Variants in ADAMTS17 observed in about 807,000 individuals in gnomAD.
The protein encoded by ADAMTS17 is ADAM metallopeptidase with thrombospondin type 1 motif 17.
A neutral mutation model predicts 141.5 loss-of-function variants in ADAMTS17; 113 were observed. That is an observed-to-expected ratio of 0.80 (90% CI 0.69 to 0.93). ADAMTS17 has a LOEUF of 0.93. Ranked by LOEUF, ADAMTS17 falls within the 40% of genes least tolerant of loss-of-function variation. The pLI, the probability that ADAMTS17 is intolerant of heterozygous loss-of-function variation, is 0.00. For synonymous variants in ADAMTS17, 768 were observed against 630.6 expected (o/e 1.22, Z -3.27); for missense variants, 1,659 against 1,517.9 (o/e 1.09, Z -1.54).
At chr15:100,124,161 T>G (rs922914685) in intron 12 of ADAMTS17, among the ~76,000 whole-genome samples, 2 of 152,092 alleles carry the variant, frequency 1.3e-5, no homozygotes, top group East Asian at 3.9e-4. Context: ...AGATGGGGTC[T>G]CATCATGCTG....
chr15:100,051,650 C>T lies in ADAMTS17; in HGVS notation c.2377G>A (p.Glu793Lys), dbSNP rs139385294. The T allele has an allele frequency of 5.2e-5, 84 of 1,614,156 alleles. No homozygotes were observed. The highest frequency in any genetic ancestry group is 5.0e-4 in the Middle Eastern group (3 of 6,060). The change falls in exon 17 of 22, where the codon GAA becomes AAA. Residue 793 changes from glutamate to lysine, a missense_variant. Transcript: ENST00000268070. ...AAAGAGTCCTGCGGTTTTTCTGGTT[C>T]GCTTTGATTTTCCGCAGTGCGGTTT... ...PVNRTAENQS[E>K]PEKPQDSLFI...
At position 100,261,728 on chromosome 15, in the gene ADAMTS17, GTCAC is replaced by G. The variant is rs1379038274; in HGVS notation, c.874-96_874-93del. 3.9e-5 allele frequency: 54 copies of G among 1,397,870 alleles called. No homozygotes were observed. The East Asian group carries it at 1.3e-3, about 35-fold the overall frequency. 86.6% of individuals were successfully genotyped at this position (1,397,870 alleles called of 1,614,324 possible). A position where few individuals can be genotyped will look rare whatever the true frequency, so the allele number is the denominator to read the frequency against. On this transcript the variant is annotated intron_variant, in intron 5 of 21. Coordinates refer to ENST00000268070, the MANE Select transcript of ADAMTS17 (RefSeq NM_139057.4). The stretch of plus-strand genomic sequence containing the variant: ...TGACAAGGACGTTAAGGTGGAGGCA[GTCAC>G]TCACTGAGACATCATTTGATGACTC...
chr15:100,242,706 T>C (rs2042863816), intron 7 of ADAMTS17, among the ~76,000 whole-genome samples: 1 of 152,182 alleles, frequency 6.6e-6, no homozygotes, highest in Non-Finnish European at 1.5e-5. Context: ...TTGCTGGGCA[T>C]TGTCCTTCTC....
chr15:100,083,786 T>C (rs189611041), intron 15 of ADAMTS17, among the ~76,000 whole-genome samples: 36 of 150,712 alleles, frequency 2.4e-4, no homozygotes, highest in African/African-American at 8.8e-4. Context: ...GACTTGGGAA[T>C]AGTGATGCTG....
At chr15:99,990,114 T>C (rs565870518) in intron 20 of ADAMTS17, among the ~76,000 whole-genome samples, 3 of 152,346 alleles carry the variant, frequency 2.0e-5, no homozygotes, top group African/African-American at 7.2e-5. Flanking sequence ...TGGCTCACTG[T>C]AGCTTCGACT....
chr15:100,188,531 G>A (rs1017802365), intron 8 of ADAMTS17, among the ~76,000 whole-genome samples: 4 of 152,256 alleles, frequency 2.6e-5, no homozygotes, highest in African/African-American at 7.2e-5. Context: ...CCCATTTCAC[G>A]GGAAACCCCA....
chr15:100,021,175 C>G (rs2061400637), intron 18 of ADAMTS17, among the ~76,000 whole-genome samples: 1 of 152,168 alleles, frequency 6.6e-6, no homozygotes, highest in South Asian at 2.1e-4. Context: ...CCGATGTGTT[C>G]ACCAGCCTAG....
chr15:100,320,189 C>T (rs1051199279), intron 3 of ADAMTS17, among the ~76,000 whole-genome samples: 2 of 152,102 alleles, frequency 1.3e-5, no homozygotes, highest in East Asian at 1.9e-4. Context: ...AGACCAAAAA[C>T]GCAAAAAGAT....
At position 100,205,339 on chromosome 15, in the gene ADAMTS17, C is replaced by T. The variant is rs372901381; in HGVS notation, c.1076-5916G>A. Among the ~76,000 whole-genome samples the T allele has an allele frequency of 3.4e-4, 52 of 152,160 alleles. 2 individuals carry two copies. Among genetic ancestry groups the T allele is most frequent in the Admixed American group, 1.8e-3 (27 of 15,286 alleles). On this transcript the variant is annotated intron_variant, in intron 7 of 21. Coordinates refer to ENST00000268070, the MANE Select transcript of ADAMTS17 (RefSeq NM_139057.4). Reference sequence around the variant, plus strand: ...ACAAGTTAGAAGCCACAAGTTTATGCCAACAGTTTGCTGCTAGAAACCAAA... The same window carrying T: ...ACAAGTTAGAAGCCACAAGTTTATGTCAACAGTTTGCTGCTAGAAACCAAA...
chr15:100,221,571 A>C (rs2042135519), intron 7 of ADAMTS17, among the ~76,000 whole-genome samples: 1 of 152,122 alleles, frequency 6.6e-6, no homozygotes, highest in African/African-American at 2.4e-5. Flanking sequence ...ACCTCCCTTT[A>C]ATTACAATAC....
chr15:100,082,647 T>C (rs969909793), intron 15 of ADAMTS17, among the ~76,000 whole-genome samples: 28 of 152,258 alleles, frequency 1.8e-4, no homozygotes, highest in African/African-American at 6.7e-4. Flanking sequence ...TTTTTTGTTT[T>C]CTGATTGTTC....
intron 10 of ADAMTS17, among the ~76,000 whole-genome samples, chr15:100,134,381 G>A (rs1231359872): frequency 6.6e-6 from 1 of 152,208 alleles, no homozygotes; most frequent in East Asian, 1.9e-4. Flanking sequence ...GAGAACAGAT[G>A]TACTTAAAGA....
chr15:100,035,557 G>C (rs2030624771), intron 18 of ADAMTS17, among the ~76,000 whole-genome samples: 1 of 152,202 alleles, frequency 6.6e-6, no homozygotes, highest in East Asian at 1.9e-4. Flanking sequence ...GAGAAAAGGA[G>C]GATGGCACTT....
At chr15:99,975,122 A>G (rs2060294394) in intron 21 of ADAMTS17, among the ~76,000 whole-genome samples, 1 of 152,170 alleles carries the variant, frequency 6.6e-6, no homozygotes, top group Non-Finnish European at 1.5e-5. Flanking sequence ...AATCCCCTTC[A>G]TTTTGGTGAG....
chr15:100,146,547 A>C (rs1178760059), intron 10 of ADAMTS17, among the ~76,000 whole-genome samples: 2 of 152,340 alleles, frequency 1.3e-5, no homozygotes, highest in African/African-American at 4.8e-5. Context: ...CACAAATTGT[A>C]CAGCATGTGT....
intron 14 of ADAMTS17, among the ~76,000 whole-genome samples, chr15:100,098,950 C>T (rs567126251): frequency 6.6e-6 from 1 of 152,344 alleles, no homozygotes; most frequent in South Asian, 2.1e-4. Flanking sequence ...ATTCCTTACA[C>T]TGGCTTCCTA....
rs761060975 is a variant in ADAMTS17 at position 100,058,243 on chromosome 15, G to C, written c.2138-4189C>G. Among the ~76,000 whole-genome samples the C allele has an allele frequency of 2.4e-3, 17 of 7,004 alleles. 4 individuals carry two copies. Among genetic ancestry groups the C allele is most frequent in the South Asian group, 5.7e-3 (1 of 174 alleles). 4.6% of individuals were successfully genotyped at this position (7,004 alleles called of 152,430 possible). On this transcript the variant is annotated intron_variant, in intron 15 of 21. Coordinates refer to ENST00000268070, the MANE Select transcript of ADAMTS17 (RefSeq NM_139057.4). Reference sequence around the variant, plus strand: ...GCTCCAACACTCCTATCCCAGCTCTGACCCTCCTATCCCGGCTCTGACACC... The same window carrying C: ...GCTCCAACACTCCTATCCCAGCTCTCACCCTCCTATCCCGGCTCTGACACC...
chr15:100,049,071 C>T (rs191777760), intron 17 of ADAMTS17, 79 bp from the exon 18 acceptor site: 2 of 1,608,068 alleles, frequency 1.2e-6, no homozygotes, highest in African/African-American at 1.3e-5. Context: ...CCCATGAAAG[C>T]ATGTTTGGGT....
chr15:100,262,782 T>TA (rs201067774), intron 4 of ADAMTS17, among the ~76,000 whole-genome samples: 3,417 of 111,092 alleles, frequency 0.031, 55 homozygotes, highest in African/African-American at 0.039. Context: ...CTTCCAGTAC[T>TA]AAAAAAAAAA....
Sources: allele counts gnomAD v4.1 joint callset (sites outside exome capture counted in the v4.1 genomes callset), GRCh38; gene constraint gnomAD v4.1.1; transcripts MANE v1.5; gene names NCBI Gene and HGNC (gene_info 2026-07-23, HGNC 2026-07-21).